The following DIP2C variants were observed in gnomAD, a reference collection of about 807,000 sequenced individuals.
DIP2C encodes the protein disco-interacting protein 2 homolog C.
DIP2C carries 33 observed loss-of-function variants against 192.4 expected under a neutral mutation model. That is an observed-to-expected ratio of 0.17 (90% CI 0.13 to 0.23). The LOEUF (loss-of-function observed/expected upper bound fraction) is 0.23. DIP2C is among the 10% of genes least tolerant of loss of function. The pLI is 1.00. For synonymous variants in DIP2C, 979 were observed against 864.1 expected, an observed-to-expected ratio of 1.13 and a Z score of -2.33; for missense variants, 1,537 against 2,110.1, an observed-to-expected ratio of 0.73 and a Z score of 5.32.
chr10:577,278 T>C (rs1850228467), intron 1 of DIP2C, among the ~76,000 whole-genome samples: 1 of 152,218 alleles, frequency 6.6e-6, no homozygotes, highest in African/African-American at 2.4e-5. Context: ...GTAAATACAG[T>C]TTATCACTAA....
intron 29 of DIP2C, among the ~76,000 whole-genome samples, chr10:332,411 A>G (rs1004030689): frequency 2.0e-5 from 3 of 152,236 alleles, no homozygotes; most frequent in Admixed American, 6.5e-5. Flanking sequence ...CATAAATAAG[A>G]AATCAACATT....
At chr10:306,382 T>C (rs959536243) in intron 32 of DIP2C, among the ~76,000 whole-genome samples, 1 of 152,192 alleles carries the variant, frequency 6.6e-6, no homozygotes, top group Non-Finnish European at 1.5e-5. Context: ...AATGGTGGTC[T>C]TCCTCTGTAG....
chr10:503,376 G>A (rs1320597526), intron 1 of DIP2C, among the ~76,000 whole-genome samples: 4 of 152,226 alleles, frequency 2.6e-5, no homozygotes, highest in African/African-American at 9.6e-5. Context: ...TCAATGAAGT[G>A]GATGGACATA....
At chr10:649,821 AAAACCATTG>A in intron 1 of DIP2C, 1 of 444,184 alleles carries the variant, frequency 2.3e-6, no homozygotes, top group Non-Finnish European at 4.0e-6. Context: ...TTTCTGGCAG[AAAACCATTG>A]AAGTTTTTAT....
intron 9 of DIP2C, among the ~76,000 whole-genome samples, chr10:408,299 T>C (rs888888425): frequency 4.6e-5 from 7 of 151,236 alleles, no homozygotes; most frequent in Non-Finnish European, 5.9e-5. Flanking sequence ...CACTGGTGTA[T>C]GTGTCTGTCT....
At chr10:350,656 T>C (rs1958748109) in intron 24 of DIP2C, among the ~76,000 whole-genome samples, 3 of 57,774 alleles carry the variant, frequency 5.2e-5, no homozygotes, top group African/African-American at 1.8e-4. Context: ...TTTTTTTTTT[T>C]TGAGATGGGG....
At chr10:342,457 C>T (rs1232274522) in intron 28 of DIP2C, among the ~76,000 whole-genome samples, 1 of 152,214 alleles carries the variant, frequency 6.6e-6, no homozygotes, top group East Asian at 1.9e-4. Context: ...CGCGCCTGGC[C>T]TCGTGTGACC....
At chr10:614,756 G>C (rs990119519) in intron 1 of DIP2C, among the ~76,000 whole-genome samples, 2 of 152,230 alleles carry the variant, frequency 1.3e-5, no homozygotes, top group African/African-American at 4.8e-5. Context: ...CTCTGGCTAC[G>C]GGCTCCCTTG....
At chr10:431,692 CA>C (rs764360564) in intron 4 of DIP2C, among the ~76,000 whole-genome samples, 3 of 152,162 alleles carry the variant, frequency 2.0e-5, no homozygotes, top group Non-Finnish European at 4.4e-5. Context: ...CATCTATGAA[CA>C]AAGTTTTATT....
intron 3 of DIP2C, among the ~76,000 whole-genome samples, chr10:467,591 G>T (rs986943417): frequency 6.8e-6 from 1 of 147,628 alleles, no homozygotes; most frequent in Non-Finnish European, 1.5e-5. Flanking sequence ...AGAAAATGTG[G>T]CATATATATA....
At chr10:312,129 G>A (rs1956591892) in intron 31 of DIP2C, among the ~76,000 whole-genome samples, 2 of 152,200 alleles carry the variant, frequency 1.3e-5, no homozygotes, top group Non-Finnish European at 2.9e-5. Flanking sequence ...CACACGGTCT[G>A]CTCGGCAGCC....
rs35031456 is a variant in DIP2C at position 334,304 on chromosome 10, C to CAAAAAA, written c.3585-4709_3585-4704dup. Among the ~76,000 whole-genome samples, 127 of 82,342 alleles carry CAAAAAA rather than the reference C, an allele frequency of 1.5e-3. 5 individuals are homozygous for CAAAAAA. Among genetic ancestry groups the CAAAAAA allele is most frequent in the Middle Eastern group, 0.01 (1 of 98 alleles). 54.0% of individuals were successfully genotyped at this position (82,342 alleles called of 152,430 possible). The stretch of plus-strand genomic sequence containing the variant: ...CCCGGGTGACAGAGCAAGACTGTCT[C>CAAAAAA]AAAAAAAAAAAAAAAAAAAAAGAAA... On this transcript the variant is annotated intron_variant, in intron 29 of 36. Transcript: ENST00000280886.
intron 1 of DIP2C, among the ~76,000 whole-genome samples, chr10:619,858 G>T (rs906140092): frequency 3.3e-5 from 5 of 152,198 alleles, no homozygotes; most frequent in Non-Finnish European, 7.3e-5. Context: ...GCCCGTGGAT[G>T]GGTTCCCTGT....
At chr10:557,011 G>A (rs1848914980) in intron 1 of DIP2C, among the ~76,000 whole-genome samples, 1 of 152,196 alleles carries the variant, frequency 6.6e-6, no homozygotes, top group Non-Finnish European at 1.5e-5. Context: ...TGGCCCAGGA[G>A]CCAGCCCTCG....
chr10:513,737 ACT>A (rs1846176845), intron 1 of DIP2C, among the ~76,000 whole-genome samples: 1 of 152,086 alleles, frequency 6.6e-6, no homozygotes. Flanking sequence ...AAAACCAAAA[ACT>A]CACGTTAGCT....
At chr10:320,418 G>A (rs1382309083) in intron 31 of DIP2C, among the ~76,000 whole-genome samples, 1 of 149,762 alleles carries the variant, frequency 6.7e-6, no homozygotes, top group East Asian at 2.0e-4. Context: ...TGAGGCAGGA[G>A]AATCACTTGA....
At chr10:447,535 G>A (rs1287807345) in intron 3 of DIP2C, among the ~76,000 whole-genome samples, 1 of 140,836 alleles carries the variant, frequency 7.1e-6, no homozygotes, top group African/African-American at 2.8e-5. Context: ...CAATACTCAG[G>A]ATCACATGCA....
At chr10:456,560 C>T (rs567079917) in intron 3 of DIP2C, among the ~76,000 whole-genome samples, 20 of 152,340 alleles carry the variant, frequency 1.3e-4, no homozygotes, top group Admixed American at 4.6e-4. Context: ...GCTTAAGATG[C>T]TCCTCCTGGT....
At chr10:485,381 GC>G (rs1441903649) in intron 2 of DIP2C, among the ~76,000 whole-genome samples, 2 of 152,148 alleles carry the variant, frequency 1.3e-5, no homozygotes, top group African/African-American at 4.8e-5. Flanking sequence ...GAAGCCTCTC[GC>G]CCCAGCATTC....
Sources: allele counts gnomAD v4.1 joint callset (sites outside exome capture counted in the v4.1 genomes callset), GRCh38; gene constraint gnomAD v4.1.1; transcripts MANE v1.5; gene names NCBI Gene and HGNC (gene_info 2026-07-23, HGNC 2026-07-21).